Variants in ACBD6 observed in about 807,000 individuals in gnomAD.
ACBD6 encodes the protein acyl-CoA-binding domain-containing protein 6.
ACBD6 carries 28 observed loss-of-function variants against 37.2 expected under a neutral mutation model. The ratio of observed to expected loss-of-function variants is 0.75; its 90% CI spans 0.56 to 1.03. ACBD6 has a LOEUF of 1.03. Ranked by LOEUF, ACBD6 falls within the 50% of genes least tolerant of loss-of-function variation. The probability of loss-of-function intolerance (pLI) is 0.00; values close to 1 mark genes in which losing one functional copy is unlikely to be tolerated. For missense variants in ACBD6, 340 were observed against 337.4 expected (o/e 1.01, Z -0.06); for synonymous variants, 113 against 126.8 (o/e 0.89, Z 0.73).
chr1:180,376,630 C>T (rs527492583), intron 6 of ACBD6, among the ~76,000 whole-genome samples: 46 of 152,132 alleles, frequency 3.0e-4, no homozygotes, highest in African/African-American at 1.1e-3. Flanking sequence ...AAAATGTGCA[C>T]ATACTCTCTC....
chr1:180,488,221 C>T (rs1472001973), intron 3 of ACBD6, among the ~76,000 whole-genome samples: 5 of 151,658 alleles, frequency 3.3e-5, no homozygotes, highest in East Asian at 3.9e-4. Context: ...TTATATTATT[C>T]GAAACTGTAA....
chr1:180,429,558 G>A (rs573532254), intron 4 of ACBD6, among the ~76,000 whole-genome samples: 5 of 152,138 alleles, frequency 3.3e-5, no homozygotes, highest in African/African-American at 1.2e-4. Context: ...TATGAACATG[G>A]GTGTGCAAAT....
intron 6 of ACBD6, among the ~76,000 whole-genome samples, chr1:180,389,026 T>C (rs1482618005): frequency 6.6e-6 from 1 of 152,132 alleles, no homozygotes; most frequent in Non-Finnish European, 1.5e-5. Context: ...TATTATACTT[T>C]AAGTTTTAGG....
chr1:180,353,812 C>CAAA (rs1652514949), intron 6 of ACBD6, among the ~76,000 whole-genome samples: 1 of 131,062 alleles, frequency 7.6e-6, no homozygotes, highest in African/African-American at 3.0e-5. Flanking sequence ...AAAAGCCCAG[C>CAAA]AAAGAAAATG....
intron 3 of ACBD6, among the ~76,000 whole-genome samples, chr1:180,465,634 C>A (rs935914357): frequency 5.9e-5 from 9 of 152,100 alleles, no homozygotes; most frequent in African/African-American, 2.2e-4. Flanking sequence ...ACAGAACTAC[C>A]ATTCAACCCA....
intron 3 of ACBD6, among the ~76,000 whole-genome samples, chr1:180,490,399 T>C (rs895400567): frequency 2.6e-5 from 4 of 151,804 alleles, no homozygotes; most frequent in African/African-American, 9.7e-5. Context: ...TCCCAGCACT[T>C]TGGGAGGCCG....
In ACBD6 at chr1:180,495,362, T is replaced by G. The variant is rs145653154; in HGVS notation, c.287+99A>C. 1.5e-5 allele frequency: 13 copies of G among 839,442 alleles called. No homozygotes were observed. In the African/African-American group the frequency reaches 2.1e-4, roughly 13 times the overall value. The allele number at this position is 839,442 out of a possible 1,614,324, so 52.0% of individuals were successfully genotyped here. A position where few individuals can be genotyped will look rare whatever the true frequency, so the allele number is the denominator to read the frequency against. On this transcript the variant is annotated intron_variant, in intron 2 of 7. Coordinates refer to ENST00000367595, the MANE Select transcript of ACBD6 (RefSeq NM_032360.4). ...TACAATCTACAGCAGAGAGAGAGAT[T>G]AATATAAAAATAATTCTTTAATCAG...
At chr1:180,314,664 ATTAC>A in intron 7 of ACBD6, 24 bp downstream of exon 7, 2 of 1,495,268 alleles carry the variant, frequency 1.3e-6, no homozygotes, top group Non-Finnish European at 1.9e-6. Context: ...TTCAAATATG[ATTAC>A]TTAATAATTT....
chr1:180,350,242 C>T (rs2101891793), intron 6 of ACBD6, among the ~76,000 whole-genome samples: 1 of 152,202 alleles, frequency 6.6e-6, no homozygotes, highest in South Asian at 2.1e-4. Context: ...CTATGTTGCT[C>T]AGGCTGGTCT....
chr1:180,389,161 G>A (rs796807554), intron 6 of ACBD6, among the ~76,000 whole-genome samples: 8 of 152,006 alleles, frequency 5.3e-5, no homozygotes, highest in South Asian at 2.1e-4. Context: ...CCGCTCCCCC[G>A]CCCACAACAG....
chr1:180,344,607 A>G (rs984023838), intron 6 of ACBD6, among the ~76,000 whole-genome samples: 1 of 152,252 alleles, frequency 6.6e-6, no homozygotes, highest in African/African-American at 2.4e-5. Flanking sequence ...AGGAGCAAAC[A>G]TTGACCGAAT....
Position 180,300,411 on chromosome 1 carries a change from C to G in ACBD6, c.695-11894G>C, listed in dbSNP as rs181435594. Among the ~76,000 whole-genome samples the G allele has an allele frequency of 3.9e-3, 592 of 152,180 alleles. 5 individuals carry two copies. The highest frequency in any genetic ancestry group is 0.014 in the African/African-American group (562 of 41,538). On this transcript the variant is annotated intron_variant, in intron 7 of 7. Coordinates refer to ENST00000367595, the MANE Select transcript of ACBD6 (RefSeq NM_032360.4). ...AAATCATTATTATTATTATTACATG[C>G]AAGACTGTTTTGACTACCTTAAAAA...
intron 6 of ACBD6, among the ~76,000 whole-genome samples, chr1:180,387,269 A>C (rs775997999): frequency 1.3e-5 from 2 of 152,164 alleles, no homozygotes; most frequent in African/African-American, 4.8e-5. Flanking sequence ...CCAGGACTCT[A>C]CATACAAGTT....
intron 3 of ACBD6, among the ~76,000 whole-genome samples, chr1:180,473,595 C>T (rs1198337363): frequency 6.6e-6 from 1 of 152,000 alleles, no homozygotes; most frequent in Non-Finnish European, 1.5e-5. Context: ...ATTTCAAAAA[C>T]TGTAAAAAGA....
intron 4 of ACBD6, among the ~76,000 whole-genome samples, chr1:180,423,262 A>G (rs1648447238): frequency 6.6e-6 from 1 of 152,232 alleles, no homozygotes; most frequent in Non-Finnish European, 1.5e-5. Context: ...GGACCTATGC[A>G]GTCACAACCT....
At chr1:180,286,682 G>A (rs962064455), downstream of ACBD6, among the ~76,000 whole-genome samples, 1 of 152,160 alleles carries the variant, frequency 6.6e-6, no homozygotes, top group African/African-American at 2.4e-5. Context: ...ATTTCAGTAT[G>A]TACTAATATG....
At chr1:180,450,718 C>T (rs184852454) in intron 3 of ACBD6, among the ~76,000 whole-genome samples, 399 of 152,222 alleles carry the variant, frequency 2.6e-3, no homozygotes, top group African/African-American at 9.3e-3. Flanking sequence ...CGAGATTGCG[C>T]CACTGCACTC....
At chr1:180,404,451 T>A (rs59662396) in intron 5 of ACBD6, among the ~76,000 whole-genome samples, 36,295 of 151,542 alleles carry the variant, frequency 0.24, 4,444 homozygotes, top group South Asian at 0.3. Context: ...GTGAAAAAAA[T>A]ATATATATAC....
chr1:180,364,166 C>T (rs1207254248), intron 6 of ACBD6, among the ~76,000 whole-genome samples: 1 of 152,216 alleles, frequency 6.6e-6, no homozygotes, highest in Non-Finnish European at 1.5e-5. Context: ...ATAATATCTA[C>T]ATCTATACAG....
Sources: gnomAD v4.1 joint callset for allele counts (sites outside exome capture counted in the v4.1 genomes callset) on GRCh38, gnomAD v4.1.1 for gene constraint, MANE v1.5 for transcripts, NCBI Gene and HGNC (gene_info 2026-07-23, HGNC 2026-07-21) for gene names.